The following RIMS1 variants were observed in gnomAD, a reference collection of about 807,000 sequenced individuals.
RIMS1 encodes the protein regulating synaptic membrane exocytosis protein 1.
Under a neutral mutation model 214.1 loss-of-function variants are expected in RIMS1, and 83 were observed. The observed-to-expected ratio is 0.39, with a 90% CI of 0.32 to 0.47. The LOEUF is 0.47. Ranked by LOEUF, RIMS1 falls within the 20% of genes least tolerant of loss-of-function variation. RIMS1 has a pLI of 0.99. For synonymous variants in RIMS1, 793 were observed against 786.8 expected (o/e 1.01, Z -0.13); for missense variants, 2,050 against 2,161.8 (o/e 0.95, Z 1.03).
Position 72,338,735 on chromosome 6 carries a change from AAG to A in RIMS1, c.4366+4902_4366+4903del, listed in dbSNP as rs371631521. ...ACATACTATTCCCATTTTAAAGTTGAAGACACTGAGACTTAGAGGGATTGGGT... is the reference window on the plus strand; with the variant it reads ...ACATACTATTCCCATTTTAAAGTTGAACACTGAGACTTAGAGGGATTGGGT... On this transcript the variant is annotated intron_variant, in intron 29 of 33. Coordinates refer to ENST00000521978, the MANE Select transcript of RIMS1 (RefSeq NM_014989.7). 4.1e-4 allele frequency among the ~76,000 whole-genome samples: 62 copies of A among 151,956 alleles called. 1 individual carries two copies. Among genetic ancestry groups the A allele is most frequent in the African/African-American group, 1.4e-3 (60 of 41,524 alleles).
chr6:71,889,923 C>T (rs1769090759), intron 1 of RIMS1, among the ~76,000 whole-genome samples: 1 of 152,124 alleles, frequency 6.6e-6, no homozygotes, highest in Admixed American at 6.5e-5. Flanking sequence ...TAAGTTCTGG[C>T]AATACGGCAA....
At chr6:72,183,733 A>G (rs1414930134) in intron 6 of RIMS1, among the ~76,000 whole-genome samples, 2 of 152,232 alleles carry the variant, frequency 1.3e-5, no homozygotes, top group South Asian at 2.1e-4. Flanking sequence ...AGCAATTTTA[A>G]AAACTTGTGG....
intron 2 of RIMS1, among the ~76,000 whole-genome samples, chr6:71,981,455 A>G (rs1480688944): frequency 1.3e-5 from 2 of 152,270 alleles, no homozygotes; most frequent in African/African-American, 4.8e-5. Flanking sequence ...TTAGAAGACA[A>G]GAATACCATA....
chr6:72,004,227 C>T (rs1806494318), intron 2 of RIMS1, among the ~76,000 whole-genome samples: 1 of 151,646 alleles, frequency 6.6e-6, no homozygotes, highest in Non-Finnish European at 1.5e-5. Flanking sequence ...GCATAGTATT[C>T]CATGGTGTAT....
chr6:71,941,796 T>A (rs879933049), intron 1 of RIMS1, among the ~76,000 whole-genome samples: 1 of 152,190 alleles, frequency 6.6e-6, no homozygotes. Flanking sequence ...ACTCATACAT[T>A]ACAGCTTTTG....
intron 29 of RIMS1, among the ~76,000 whole-genome samples, chr6:72,341,374 A>G (rs1404213280): frequency 2.0e-5 from 3 of 151,826 alleles, no homozygotes; most frequent in Admixed American, 1.3e-4. Flanking sequence ...ATCTAAAACT[A>G]TATGAAATAC....
At chr6:72,265,135 TAATA>T in intron 20 of RIMS1, 83 bp downstream of exon 20, 1 of 752,996 alleles carries the variant, frequency 1.3e-6, no homozygotes, top group Non-Finnish European at 2.1e-6. Context: ...ATTCACATTC[TAATA>T]AAATATTAAA....
At chr6:72,310,634 C>T (rs941106498) in intron 27 of RIMS1, among the ~76,000 whole-genome samples, 38 of 151,988 alleles carry the variant, frequency 2.5e-4, no homozygotes, top group African/African-American at 8.5e-4. Flanking sequence ...TCTCTCACAT[C>T]AATGACTTAT....
At chr6:72,246,467 A>G (rs2069780867) in intron 11 of RIMS1, among the ~76,000 whole-genome samples, 1 of 152,230 alleles carries the variant, frequency 6.6e-6, no homozygotes, top group African/African-American at 2.4e-5. Context: ...ATGATAATGC[A>G]GAAGTGACCC....
intron 2 of RIMS1, among the ~76,000 whole-genome samples, chr6:72,027,110 C>T (rs984826165): frequency 1.3e-5 from 2 of 151,998 alleles, no homozygotes; most frequent in African/African-American, 4.8e-5. Flanking sequence ...ATTATTTGGA[C>T]AGGCAAGACT....
intron 8 of RIMS1, 25 bp downstream of exon 8, chr6:72,235,753 T>G: frequency 7.1e-7 from 1 of 1,412,118 alleles, no homozygotes; most frequent in Non-Finnish European, 9.8e-7. Context: ...TTAAAATGTT[T>G]CTTAAAGGGT....
intron 1 of RIMS1, among the ~76,000 whole-genome samples, chr6:71,917,342 G>A (rs1298169707): frequency 1.3e-5 from 2 of 152,158 alleles, no homozygotes; most frequent in Non-Finnish European, 2.9e-5. Context: ...AGCCTTCCCT[G>A]AGAACAGGAT....
At chr6:72,093,228 A>ATAGATATATATATATATATATATATATAT (rs200655727) in intron 2 of RIMS1, among the ~76,000 whole-genome samples, 1 of 136,964 alleles carries the variant, frequency 7.3e-6, no homozygotes, top group South Asian at 2.3e-4. Context: ...ATATATATAT[A>ATAGATATATATATATATATATATATATAT]AAAACATGTG....
chr6:72,312,823 C>T (rs1247632063), intron 27 of RIMS1, among the ~76,000 whole-genome samples: 1 of 152,042 alleles, frequency 6.6e-6, no homozygotes, highest in Non-Finnish European at 1.5e-5. Flanking sequence ...AAGTATTTAA[C>T]TAAATTGACT....
At chr6:72,114,420 G>T (rs1428952378) in intron 4 of RIMS1, among the ~76,000 whole-genome samples, 1 of 151,850 alleles carries the variant, frequency 6.6e-6, no homozygotes, top group Non-Finnish European at 1.5e-5. Context: ...TGAAAATCCA[G>T]GGCACATACC....
intron 11 of RIMS1, 39 bp from the exon 12 acceptor site, chr6:72,247,976 A>G: frequency 7.7e-7 from 1 of 1,297,018 alleles, no homozygotes; most frequent in Non-Finnish European, 1.1e-6. Context: ...AATATTTCCT[A>G]CACTTACAAA....
intron 2 of RIMS1, among the ~76,000 whole-genome samples, chr6:72,084,954 T>G (rs1324347146): frequency 6.6e-6 from 1 of 152,154 alleles, no homozygotes; most frequent in Non-Finnish European, 1.5e-5. Flanking sequence ...AGAATGATAG[T>G]CATCTGCAAA....
chr6:72,199,941 A>G (rs1356018201), intron 6 of RIMS1, among the ~76,000 whole-genome samples: 1 of 152,154 alleles, frequency 6.6e-6, no homozygotes, highest in East Asian at 1.9e-4. Context: ...AGTAGAATTG[A>G]TACTGTGGGA....
intron 4 of RIMS1, among the ~76,000 whole-genome samples, chr6:72,107,771 G>T (rs2035061861): frequency 6.6e-6 from 1 of 152,134 alleles, no homozygotes; most frequent in South Asian, 2.1e-4. Context: ...CTAATTAAAT[G>T]AGAGAAGAAA....
Sources: gnomAD v4.1 joint callset for allele counts (sites outside exome capture counted in the v4.1 genomes callset) on GRCh38, gnomAD v4.1.1 for gene constraint, MANE v1.5 for transcripts, NCBI Gene and HGNC (gene_info 2026-07-23, HGNC 2026-07-21) for gene names.